ALK: variants seen among roughly 807,000 people sequenced by gnomAD.
ALK encodes ALK receptor tyrosine kinase, also known as ALK tyrosine kinase receptor.
Under a neutral mutation model 163.1 loss-of-function variants are expected in ALK, and 74 were observed. That is an observed-to-expected ratio of 0.45 (90% CI 0.38 to 0.55). The LOEUF (loss-of-function observed/expected upper bound fraction) is 0.55. Ranked by LOEUF, ALK falls within the 20% of genes least tolerant of loss-of-function variation. The pLI, the probability that ALK is intolerant of heterozygous loss-of-function variation, is 0.00. For missense variants in ALK, 2,063 were observed against 2,105.3 expected, an observed-to-expected ratio of 0.98 and a Z score of 0.39; for synonymous variants, 960 against 843.2, an observed-to-expected ratio of 1.14 and a Z score of -2.40.
intron 2 of ALK, among the ~76,000 whole-genome samples, chr2:29,708,281 C>T (rs1351300007): frequency 6.6e-6 from 1 of 152,146 alleles, no homozygotes; most frequent in Non-Finnish European, 1.5e-5. Context: ...CTTGGCCAGG[C>T]TGGTCTGGAA....
intron 4 of ALK, among the ~76,000 whole-genome samples, chr2:29,434,539 T>C (rs909302509): frequency 1.3e-5 from 2 of 152,260 alleles, no homozygotes; most frequent in Non-Finnish European, 1.5e-5. Flanking sequence ...GCAACACTAG[T>C]TGCATCATAA....
At chr2:29,888,251 T>TTTTTTG (rs1667036654) in intron 1 of ALK, among the ~76,000 whole-genome samples, 1 of 77,618 alleles carries the variant, frequency 1.3e-5, no homozygotes, top group African/African-American at 4.9e-5. Context: ...AAATTGTTTT[T>TTTTTTG]TTTTTTTTTT....
At chr2:29,315,017 C>A (rs1357255186) in intron 8 of ALK, among the ~76,000 whole-genome samples, 1 of 152,146 alleles carries the variant, frequency 6.6e-6, no homozygotes, top group Non-Finnish European at 1.5e-5. Context: ...ATTATTTGAA[C>A]TGGAGCTCAG....
At chr2:29,713,887 G>A (rs1026477534) in intron 2 of ALK, among the ~76,000 whole-genome samples, 1 of 150,900 alleles carries the variant, frequency 6.6e-6, no homozygotes, top group African/African-American at 2.4e-5. Context: ...CTGCTCATAT[G>A]GGCAGAACCT....
rs1469977891 is a variant in ALK at position 29,197,596 on chromosome 2, T to C, written c.4019A>G (p.Glu1340Gly). Residue 1340 changes from glutamate to glycine, a missense_variant, in exon 27 of 29, where the codon GAG becomes GGG. Transcript: ENST00000389048. ...YPSKSNQEVL[E>G]FVTSGGRMDP... The stretch of plus-strand genomic sequence containing the variant: ...CATCCGGCCTCCACTGGTGACAAAC[T>C]CCAGAACTTCCTGGTTGCTTTTGCT... 1.2e-6 allele frequency: 2 copies of C among 1,613,870 alleles called. No homozygotes were observed. The highest frequency in any genetic ancestry group is 1.7e-6 in the Non-Finnish European group (2 of 1,180,016).
intron 1 of ALK, among the ~76,000 whole-genome samples, chr2:29,816,869 T>G (rs953090348): frequency 1.3e-5 from 2 of 152,166 alleles, no homozygotes. Flanking sequence ...CAGATTTCAA[T>G]AGAGGAGTGG....
At chr2:29,649,791 T>A (rs1676989626) in intron 3 of ALK, among the ~76,000 whole-genome samples, 1 of 152,140 alleles carries the variant, frequency 6.6e-6, no homozygotes, top group African/African-American at 2.4e-5. Context: ...AGGGTCCCTC[T>A]ATTCTCTCCT....
chr2:29,676,316 T>G (rs1677871257), intron 3 of ALK, among the ~76,000 whole-genome samples: 1 of 152,106 alleles, frequency 6.6e-6, no homozygotes, highest in Admixed American at 6.6e-5. Context: ...TTTTCTTGGG[T>G]AGAAACTGTA....
intron 1 of ALK, among the ~76,000 whole-genome samples, chr2:29,865,501 A>G (rs1377265676): frequency 2.0e-5 from 3 of 152,132 alleles, no homozygotes; most frequent in South Asian, 2.1e-4. Flanking sequence ...TGAGTTTTAT[A>G]TGTAACAATC....
intron 1 of ALK, among the ~76,000 whole-genome samples, chr2:29,882,078 T>C (rs1666883496): frequency 6.6e-6 from 1 of 152,110 alleles, no homozygotes; most frequent in African/African-American, 2.4e-5. Context: ...AAACAGGGAC[T>C]CCGTCTGAGG....
chr2:29,481,470 AT>A (rs1307014365), intron 4 of ALK, among the ~76,000 whole-genome samples: 1 of 152,206 alleles, frequency 6.6e-6, no homozygotes, highest in African/African-American at 2.4e-5. Flanking sequence ...CAATTTATAC[AT>A]ATTATGTTAT....
In ALK at chr2:29,920,895, C is replaced by A; in HGVS notation, c.-236G>T. ...GGGCGAGTCCAGAGACACTCAAGCA[C>A]ACTGGGCTCACTGGCTGGGACCTTG... On this transcript the variant is annotated 5_prime_UTR_variant, in exon 1 of 29. Transcript: ENST00000389048. 1.8e-6 allele frequency: 1 copy of A among 562,128 alleles called. No individual in the cohort carries two copies. Among genetic ancestry groups the A allele is most frequent in the African/African-American group, 1.9e-5 (1 of 52,996 alleles). The allele number at this position is 562,128 out of a possible 1,614,324, so 34.8% of individuals were successfully genotyped here.
chr2:29,226,289 G>A (rs1663989671), intron 18 of ALK, among the ~76,000 whole-genome samples: 1 of 151,904 alleles, frequency 6.6e-6, no homozygotes. Flanking sequence ...GACCAGCCTG[G>A]CCAAAAGGTG....
At chr2:29,340,445 C>T (rs945479684) in intron 5 of ALK, among the ~76,000 whole-genome samples, 2 of 152,182 alleles carry the variant, frequency 1.3e-5, no homozygotes, top group Middle Eastern at 3.4e-3. Context: ...TGAAGGGAGC[C>T]GGGTGGATTC....
intron 1 of ALK, among the ~76,000 whole-genome samples, chr2:29,853,703 C>T (rs1232527927): frequency 3.3e-5 from 5 of 152,154 alleles, no homozygotes; most frequent in Non-Finnish European, 5.9e-5. Flanking sequence ...TAAAATCTAA[C>T]GTCACTCAGA....
At chr2:29,647,768 A>G (rs1284338023) in intron 3 of ALK, among the ~76,000 whole-genome samples, 1 of 82,752 alleles carries the variant, frequency 1.2e-5, no homozygotes, top group Middle Eastern at 9.8e-3. Flanking sequence ...CACGTTCATG[A>G]TTTTTTCTTT....
In ALK at chr2:29,192,832, C is replaced by T. The variant is rs1284376027; in HGVS notation, c.*392G>A. On this transcript the variant is annotated 3_prime_UTR_variant, in exon 29 of 29. Coordinates refer to ENST00000389048, the MANE Select transcript of ALK (RefSeq NM_004304.5). ...CCCTCTCCCCTCAAATGGCTCATGT[C>T]CACATCAACAAGGCAAGGAAACATC... 2.8e-6 allele frequency: 1 copy of T among 358,994 alleles called. No individual in the cohort carries two copies. Among genetic ancestry groups the T allele is most frequent in the African/African-American group, 2.0e-5 (1 of 49,114 alleles). 22.2% of individuals were successfully genotyped at this position (358,994 alleles called of 1,614,324 possible).
At chr2:29,380,105 C>T (rs1007455438) in intron 5 of ALK, among the ~76,000 whole-genome samples, 1 of 137,824 alleles carries the variant, frequency 7.3e-6, no homozygotes, top group African/African-American at 2.7e-5. Context: ...GTGCTGCACA[C>T]TTTTTTTTTT....
intron 5 of ALK, among the ~76,000 whole-genome samples, chr2:29,359,883 T>A (rs1668347822): frequency 6.6e-6 from 1 of 152,216 alleles, no homozygotes; most frequent in African/African-American, 2.4e-5. Context: ...TTGGGCTTTG[T>A]CCAGATGCTT....
Sources: allele counts gnomAD v4.1 joint callset (sites outside exome capture counted in the v4.1 genomes callset), GRCh38; gene constraint gnomAD v4.1.1; transcripts MANE v1.5; gene names NCBI Gene and HGNC (gene_info 2026-07-23, HGNC 2026-07-21).